Variants in USP24 observed in about 807,000 individuals in gnomAD.
The protein encoded by USP24 is ubiquitin specific peptidase 24, also known as ubiquitin carboxyl-terminal hydrolase 24.
A neutral mutation model predicts 361.6 loss-of-function variants in USP24; 97 were observed. That is an observed-to-expected ratio of 0.27 (90% CI 0.23 to 0.32). USP24 has a LOEUF of 0.32. USP24 is among the 10% of genes least tolerant of loss of function. USP24 has a pLI of 1.00. For missense variants in USP24, 2,353 were observed against 3,165.6 expected (o/e 0.74, Z 6.16); for synonymous variants, 1,098 against 1,124.6 (o/e 0.98, Z 0.47).
At chr1:55,108,547 T>C (rs956406960) in intron 39 of USP24, among the ~76,000 whole-genome samples, 4 of 152,234 alleles carry the variant, frequency 2.6e-5, no homozygotes, top group Admixed American at 6.5e-5. Flanking sequence ...TATGAAGTGC[T>C]AGTATAGGCA....
rs766065386 is a variant in USP24, at chr1:55,123,559, C to T, written c.4164G>A (p.Leu1388=). ...SSGSEGEPVA[L]HAGICVRQQS... ...GTTGTCGAACACAGATTCCCGCATG[C>T]AGGGCTACTGGTTCTCCTTCACTTC... The change falls in exon 36 of 68, where the codon CTG becomes CTA. Residue 1388 remains leucine (L), a synonymous_variant. Coordinates refer to ENST00000294383, the MANE Select transcript of USP24 (RefSeq NM_015306.3). 6.2e-7 allele frequency: 1 copy of T among 1,600,694 alleles called. No individual in the cohort carries two copies. The highest frequency in any genetic ancestry group is 8.5e-7 in the Non-Finnish European group (1 of 1,173,478).
intron 30 of USP24, among the ~76,000 whole-genome samples, chr1:55,133,722 G>A (rs555678832): frequency 6.8e-6 from 1 of 147,678 alleles, no homozygotes; most frequent in East Asian, 2.0e-4. Flanking sequence ...CTGCAGCCTC[G>A]ACCTCTTGGG....
intron 50 of USP24, among the ~76,000 whole-genome samples, 167 bp from the exon 51 acceptor site, chr1:55,095,563 G>A (rs967267887): frequency 2.0e-5 from 3 of 152,190 alleles, no homozygotes; most frequent in African/African-American, 7.2e-5. Flanking sequence ...TGCTTAGCAT[G>A]GAAGTCAGGA....
chr1:55,214,478 C>A (rs2100972937), intron 1 of USP24, among the ~76,000 whole-genome samples: 1 of 152,134 alleles, frequency 6.6e-6, no homozygotes, highest in African/African-American at 2.4e-5. Context: ...GCCCTGGAGC[C>A]TCCTCCCCAT....
At position 55,144,068 on chromosome 1, in the gene USP24, T is replaced by C; in HGVS notation, c.2439+59A>G. 4.4e-6 allele frequency: 6 copies of C among 1,360,814 alleles called. No individual in the cohort carries two copies. In the South Asian group the frequency reaches 9.1e-5, roughly 21 times the overall value. The allele number at this position is 1,360,814 out of a possible 1,614,324, so 84.3% of individuals were successfully genotyped here. A position where few individuals can be genotyped will look rare whatever the true frequency, so the allele number is the denominator to read the frequency against. On this transcript the variant is annotated intron_variant, in intron 21 of 67. Coordinates refer to ENST00000294383, the MANE Select transcript of USP24 (RefSeq NM_015306.3). ...TCAATTATAACACTTTTTTTTTTGC[T>C]GAATATCAAGTTATACTAGATTATC...
chr1:55,154,040 G>C, intron 15 of USP24, 79 bp downstream of exon 15: 1 of 1,594,206 alleles, frequency 6.3e-7, no homozygotes, highest in Non-Finnish European at 8.6e-7. Flanking sequence ...ACATAACAGG[G>C]GAGGAAAATT....
At chr1:55,113,541 C>A (rs1473037794) in intron 38 of USP24, among the ~76,000 whole-genome samples, 2 of 152,148 alleles carry the variant, frequency 1.3e-5, no homozygotes, top group Non-Finnish European at 2.9e-5. Context: ...ATGAGGACAG[C>A]ATCTTCCTGA....
chr1:55,200,899 A>C (rs1175934131), intron 1 of USP24, among the ~76,000 whole-genome samples: 1 of 152,246 alleles, frequency 6.6e-6, no homozygotes, highest in Non-Finnish European at 1.5e-5. Context: ...CTTGTGTGCA[A>C]TATTTTTCTA....
At chr1:55,083,543 C>A (rs1645192895) in intron 57 of USP24, among the ~76,000 whole-genome samples, 179 bp from the exon 58 acceptor site, 1 of 152,128 alleles carries the variant, frequency 6.6e-6, no homozygotes, top group Non-Finnish European at 1.5e-5. Context: ...CATTGCTTCA[C>A]AATAACTACT....
Position 55,143,139 on chromosome 1 carries a change from T to A in USP24, c.2440-20A>T, listed in dbSNP as rs1317245375. Reference sequence around the variant, plus strand: ...TACATACTGTTCAAAAGAAAAAAAATTAAATTATAAAGCATATCAAGATCA... The same window carrying A: ...TACATACTGTTCAAAAGAAAAAAAAATAAATTATAAAGCATATCAAGATCA... On this transcript the variant is annotated intron_variant, in intron 21 of 67. Coordinates refer to ENST00000294383, the MANE Select transcript of USP24 (RefSeq NM_015306.3). 1.3e-5 allele frequency: 19 copies of A among 1,461,608 alleles called. No homozygotes were observed. Among genetic ancestry groups the A allele is most frequent in the Non-Finnish European group, 1.7e-5 (19 of 1,108,142 alleles). 90.5% of individuals were successfully genotyped at this position (1,461,608 alleles called of 1,614,324 possible).
chr1:55,084,629 T>C (rs1213414270), intron 56 of USP24, among the ~76,000 whole-genome samples: 1 of 152,190 alleles, frequency 6.6e-6, no homozygotes, highest in Non-Finnish European at 1.5e-5. Context: ...GTCACACCCA[T>C]TATAAATACA....
Position 55,095,387 on chromosome 1 carries a change from T to C in USP24, c.6071A>G (p.Tyr2024Cys). Residue 2024 changes from tyrosine (Y) to cysteine (C), a missense_variant, in exon 51 of 68, where the codon TAC becomes TGC. Tyr to Cys is a radical substitution (Grantham distance 194). Transcript: ENST00000294383. Reference protein sequence around the residue: ...RPKVYDQTNPYTDVRRRYWNA... With the variant: ...RPKVYDQTNPCTDVRRRYWNA... ...CCAGTATCTTCGGCGCACATCAGTG[T>C]ATGGGTTTGCTTTATAACAAGACAT... is the stretch of plus-strand genomic sequence containing the variant. 1.2e-6 allele frequency: 2 copies of C among 1,609,736 alleles called. No homozygotes were observed. The highest frequency in any genetic ancestry group is 1.7e-6 in the Non-Finnish European group (2 of 1,178,264).
At chr1:55,213,551 A>G (rs943175296) in intron 1 of USP24, among the ~76,000 whole-genome samples, 1 of 152,228 alleles carries the variant, frequency 6.6e-6, no homozygotes, top group Non-Finnish European at 1.5e-5. Context: ...TTCATTAAGA[A>G]CGAACCAAAT....
At position 55,159,054 on chromosome 1, in the gene USP24, C is replaced by G. The variant is rs1329725181; in HGVS notation, c.1069-18G>C. The G allele has an allele frequency of 1.4e-5, 20 of 1,431,908 alleles. No individual in the cohort carries two copies. In the South Asian group the frequency reaches 2.8e-4, roughly 20 times the overall value. 88.7% of individuals were successfully genotyped at this position (1,431,908 alleles called of 1,614,324 possible). A position where few individuals can be genotyped will look rare whatever the true frequency, so the allele number is the denominator to read the frequency against. ...ACCAATCTCTTTTATTGAATAAAAA[C>G]AAAAAAACAAAAAAGGAACTGTAAA... is the stretch of plus-strand genomic sequence containing the variant. On this transcript the variant is annotated intron_variant, in intron 9 of 67. Transcript: ENST00000294383.
At chr1:55,078,996 A>T (rs537263391) in intron 60 of USP24, among the ~76,000 whole-genome samples, 91 of 147,020 alleles carry the variant, frequency 6.2e-4, no homozygotes, top group African/African-American at 1.9e-3. Flanking sequence ...CTGTTAATTT[A>T]AAAAAAAAAA....
At chr1:55,156,815 A>C (rs1329343992) in intron 12 of USP24, 133 bp downstream of exon 12, 1 of 588,366 alleles carries the variant, frequency 1.7e-6, no homozygotes, top group Admixed American at 2.9e-5. Flanking sequence ...CTGAAACTGT[A>C]AAGTGGGTTA....
chr1:55,159,979 A>C (rs1005052751), intron 8 of USP24, among the ~76,000 whole-genome samples: 1 of 152,234 alleles, frequency 6.6e-6, no homozygotes, highest in African/African-American at 2.4e-5. Flanking sequence ...TTTAAAACAC[A>C]GCATGAATTG....
At chr1:55,093,039 T>C (rs1645416533) in intron 52 of USP24, 123 bp from the exon 53 acceptor site, 1 of 593,616 alleles carries the variant, frequency 1.7e-6, no homozygotes, top group South Asian at 3.2e-5. Context: ...TTATAATTTA[T>C]AATTCCCCTT....
chr1:55,101,055 T>C, intron 43 of USP24, 91 bp from the exon 44 acceptor site: 2 of 1,423,772 alleles, frequency 1.4e-6, no homozygotes, highest in Non-Finnish European at 1.9e-6. Context: ...CCACATTGCT[T>C]TTTTAGAATG....
Sources: allele counts gnomAD v4.1 joint callset (sites outside exome capture counted in the v4.1 genomes callset), GRCh38; gene constraint gnomAD v4.1.1; transcripts MANE v1.5; gene names NCBI Gene and HGNC (gene_info 2026-07-23, HGNC 2026-07-21).